Variants in WDR43 observed in about 807,000 individuals in gnomAD.
WDR43 encodes WD repeat domain 43, also known as WD repeat-containing protein 43.
In WDR43, 13 loss-of-function variants were observed where a neutral mutation model predicts 91.4. That is an observed-to-expected ratio of 0.14 (90% CI 0.09 to 0.23). WDR43 has a LOEUF of 0.23. Ranked by LOEUF, WDR43 falls within the 10% of genes least tolerant of loss-of-function variation. WDR43 has a pLI of 1.00. For missense variants in WDR43, 780 were observed against 809.4 expected (o/e 0.96, Z 0.44); for synonymous variants, 331 against 287.9 (o/e 1.15, Z -1.51).
intron 3 of WDR43, among the ~76,000 whole-genome samples, chr2:28,910,351 G>C (rs1246578809): frequency 6.6e-6 from 1 of 152,178 alleles, no homozygotes; most frequent in African/African-American, 2.4e-5. Flanking sequence ...GAATGTAAAT[G>C]AGAATTGAAG....
chr2:28,945,908 T>G (rs1446588239), intron 16 of WDR43, among the ~76,000 whole-genome samples: 1 of 152,176 alleles, frequency 6.6e-6, no homozygotes, highest in Non-Finnish European at 1.5e-5. Flanking sequence ...GAATTTTTCC[T>G]CATCCACTGG....
At chr2:28,918,471 C>T (rs571478873) in intron 6 of WDR43, among the ~76,000 whole-genome samples, 1,818 of 152,220 alleles carry the variant, frequency 0.012, 16 homozygotes, top group Non-Finnish European at 0.016. Flanking sequence ...CGGGTTCAAG[C>T]AACTCTCCTG....
chr2:28,938,680 A>C (rs2148198416), intron 14 of WDR43, among the ~76,000 whole-genome samples: 1 of 152,156 alleles, frequency 6.6e-6, no homozygotes, highest in East Asian at 1.9e-4. Flanking sequence ...ACACAGTCTC[A>C]CCCAACTCCT....
At chr2:28,934,111 T>C (rs932456074) in intron 11 of WDR43, among the ~76,000 whole-genome samples, 1 of 152,212 alleles carries the variant, frequency 6.6e-6, no homozygotes, top group Non-Finnish European at 1.5e-5. Context: ...ATTGTTCATC[T>C]AGCAATATAA....
At chr2:28,944,795 A>C (rs1173772094) in intron 16 of WDR43, among the ~76,000 whole-genome samples, 1 of 152,272 alleles carries the variant, frequency 6.6e-6, no homozygotes, top group Non-Finnish European at 1.5e-5. Flanking sequence ...GGTGGCTACT[A>C]AACGACTAAC....
At chr2:28,904,535 A>G (rs1670641575) in intron 2 of WDR43, among the ~76,000 whole-genome samples, 1 of 152,258 alleles carries the variant, frequency 6.6e-6, no homozygotes, top group Non-Finnish European at 1.5e-5. Flanking sequence ...CAGCATGGGC[A>G]TCATAAGGCT....
chr2:28,945,070 T>A (rs1671521185), intron 16 of WDR43, among the ~76,000 whole-genome samples: 1 of 152,212 alleles, frequency 6.6e-6, no homozygotes, highest in Non-Finnish European at 1.5e-5. Context: ...TCATGGGTAG[T>A]ATGATGTATG....
At chr2:28,929,173 A>G (rs1052381204) in intron 10 of WDR43, among the ~76,000 whole-genome samples, 2 of 152,192 alleles carry the variant, frequency 1.3e-5, no homozygotes, top group African/African-American at 2.4e-5. Context: ...CCTTTTAATA[A>G]TATTTTGTTT....
chr2:28,940,074 T>C (rs1671405947), intron 14 of WDR43, among the ~76,000 whole-genome samples: 1 of 131,358 alleles, frequency 7.6e-6, no homozygotes, highest in Admixed American at 9.1e-5. Context: ...TTCATGGCAC[T>C]GCACTCCAGC....
chr2:28,907,230 A>G (rs1670698223), intron 3 of WDR43, among the ~76,000 whole-genome samples: 1 of 152,120 alleles, frequency 6.6e-6, no homozygotes, highest in African/African-American at 2.4e-5. Context: ...TCATGAGGAA[A>G]ATGATGCCCA....
intron 4 of WDR43, 64 bp downstream of exon 4, chr2:28,912,774 T>G (rs913724865): frequency 7.0e-6 from 11 of 1,579,628 alleles, no homozygotes; most frequent in Non-Finnish European, 8.6e-6. Context: ...AAGGCAGAAG[T>G]TTGAACCATA....
rs1355902714 is a variant in WDR43 at position 28,926,457 on chromosome 2, T to C, written c.1087-11T>C. 4 of 1,523,596 alleles carry C rather than the reference T, an allele frequency of 2.6e-6. No individual in the cohort carries two copies. The highest frequency in any genetic ancestry group is 3.5e-6 in the Non-Finnish European group (4 of 1,132,158). 94.4% of individuals were successfully genotyped at this position (1,523,596 alleles called of 1,614,324 possible). A position where few individuals can be genotyped will look rare whatever the true frequency, so the allele number is the denominator to read the frequency against. ...CTCTCATCTTCCCCTTTAAAAAAAA[T>C]ATATTTTCAGGCTTTAAACTCCAGA... On this transcript the variant is annotated splice_polypyrimidine_tract_variant and intron_variant, in intron 8 of 17. Transcript: ENST00000407426.
At chr2:28,905,489 A>T (rs563593703) in intron 2 of WDR43, among the ~76,000 whole-genome samples, 4 of 152,136 alleles carry the variant, frequency 2.6e-5, no homozygotes, top group Non-Finnish European at 5.9e-5. Context: ...TTTTGTTTTG[A>T]GACATAGCTT....
intron 3 of WDR43, among the ~76,000 whole-genome samples, chr2:28,908,725 C>T (rs9678533): frequency 0.67 from 102,610 of 152,054 alleles, 35,228 homozygotes; most frequent in East Asian, 0.85. Flanking sequence ...AGCATTCTTA[C>T]GCTGCCGTTA....
chr2:28,914,909 C>G (rs572654223), intron 5 of WDR43, among the ~76,000 whole-genome samples: 15 of 152,188 alleles, frequency 9.9e-5, no homozygotes, highest in Non-Finnish European at 2.1e-4. Context: ...AGCCTGGCGA[C>G]AGAGCGAAAC....
At chr2:28,929,403 T>C (rs1671199706) in intron 10 of WDR43, among the ~76,000 whole-genome samples, 176 bp from the exon 11 acceptor site, 1 of 152,216 alleles carries the variant, frequency 6.6e-6, no homozygotes, top group Admixed American at 6.5e-5. Flanking sequence ...TGCAGATGTT[T>C]GTCTCCAACA....
intron 16 of WDR43, 146 bp from the exon 17 acceptor site, chr2:28,946,303 TA>T: frequency 1.1e-6 from 1 of 882,964 alleles, no homozygotes; most frequent in Non-Finnish European, 1.6e-6. Flanking sequence ...AAAAAAATAA[TA>T]AAATAATGTT....
chr2:28,930,042 A>G (rs1351744844), intron 11 of WDR43: 1 of 487,108 alleles, frequency 2.1e-6, no homozygotes, highest in Middle Eastern at 3.2e-4. Context: ...ATCACAATTT[A>G]TATTTTTTTC....
intron 6 of WDR43, among the ~76,000 whole-genome samples, chr2:28,918,289 A>T (rs1670955256): frequency 6.6e-6 from 1 of 152,148 alleles, no homozygotes; most frequent in African/African-American, 2.4e-5. Context: ...TTCTTTAATC[A>T]GATGAAATTG....
Sources: gnomAD v4.1 joint callset for allele counts (sites outside exome capture counted in the v4.1 genomes callset) on GRCh38, gnomAD v4.1.1 for gene constraint, MANE v1.5 for transcripts, NCBI Gene and HGNC (gene_info 2026-07-23, HGNC 2026-07-21) for gene names.